Variants in COPG2 observed in about 807,000 individuals in gnomAD.
COPG2 encodes the protein coat protein complex I subunit gamma 2.
COPG2 carries 37 observed loss-of-function variants against 46.3 expected under a neutral mutation model. The observed-to-expected ratio is 0.80, with a 90% confidence interval of 0.61 to 1.05. The LOEUF (loss-of-function observed/expected upper bound fraction) is 1.05. COPG2 is among the 50% of genes least tolerant of loss of function. The probability of loss-of-function intolerance (pLI) is 0.00; values close to 1 mark genes in which losing one functional copy is unlikely to be tolerated. For synonymous variants in COPG2, 159 were observed against 129.7 expected, an observed-to-expected ratio of 1.23 and a Z score of -1.53; for missense variants, 427 against 387.8, an observed-to-expected ratio of 1.10 and a Z score of -0.85.
intron 9 of COPG2, chr7:130,607,420 T>C (rs1554451419): frequency 2.3e-6 from 1 of 436,468 alleles, no homozygotes. Flanking sequence ...TCTTTGTACT[T>C]CTGGCAATTT....
At chr7:130,516,530 T>C (rs1326909692) in intron 20 of COPG2, among the ~76,000 whole-genome samples, 5 of 152,266 alleles carry the variant, frequency 3.3e-5, no homozygotes, top group African/African-American at 4.8e-5. Flanking sequence ...AGGAGACTTA[T>C]ATGCAAAAAT....
intron 5 of COPG2, among the ~76,000 whole-genome samples, chr7:130,618,339 T>C (rs1368715090): frequency 2.0e-5 from 3 of 152,144 alleles, no homozygotes; most frequent in Non-Finnish European, 4.4e-5. Flanking sequence ...ACCATAGCTT[T>C]AGTTGAACTC....
intron 9 of COPG2, among the ~76,000 whole-genome samples, chr7:130,587,947 GA>G (rs1233307929): frequency 1.1e-3 from 158 of 148,656 alleles, no homozygotes; most frequent in African/African-American, 3.6e-3. Context: ...AAATTTACAA[GA>G]AAAAAAAACA....
At chr7:130,614,214 TA>T in intron 6 of COPG2, among the ~76,000 whole-genome samples, 1 of 152,068 alleles carries the variant, frequency 6.6e-6, no homozygotes, top group East Asian at 1.9e-4. Context: ...TAAAGATGAG[TA>T]AAAAGACTGA....
At chr7:130,546,789 T>C (rs1793451414) in intron 20 of COPG2, 2 of 152,234 alleles carry the variant, frequency 1.3e-5, no homozygotes, top group South Asian at 4.1e-4. Flanking sequence ...GATAACTATT[T>C]ACTAGTGCTT....
chr7:130,667,058 CTAAGG>C, intron 2 of COPG2, 129 bp from the exon 3 acceptor site: 1 of 587,372 alleles, frequency 1.7e-6, no homozygotes, highest in Non-Finnish European at 3.0e-6. Context: ...TCTCAATTTA[CTAAGG>C]TATCTGATAA....
chr7:130,543,529 A>G (rs1176649940), intron 20 of COPG2, among the ~76,000 whole-genome samples: 2 of 152,234 alleles, frequency 1.3e-5, no homozygotes, highest in African/African-American at 4.8e-5. Context: ...GAGCTTCATC[A>G]GCAATCCTCA....
chr7:130,590,648 CT>C (rs1794383124), intron 9 of COPG2, among the ~76,000 whole-genome samples: 2 of 152,056 alleles, frequency 1.3e-5, no homozygotes, highest in Admixed American at 1.3e-4. Context: ...CCCCAAAGTG[CT>C]GAGATTGCAG....
At chr7:130,578,358 C>A (rs1211490736) in intron 9 of COPG2, among the ~76,000 whole-genome samples, 6 of 148,490 alleles carry the variant, frequency 4.0e-5, no homozygotes, top group Admixed American at 1.3e-4. Flanking sequence ...ACATCACCAT[C>A]ATCAAAGACC....
chr7:130,653,856 A>C (rs895731679), intron 4 of COPG2, among the ~76,000 whole-genome samples: 2 of 152,230 alleles, frequency 1.3e-5, no homozygotes, highest in African/African-American at 4.8e-5. Flanking sequence ...ACAGAAAAAA[A>C]ACACACACAG....
chr7:130,628,250 G>C (rs1359754097), intron 5 of COPG2, among the ~76,000 whole-genome samples: 1 of 151,640 alleles, frequency 6.6e-6, no homozygotes, highest in Non-Finnish European at 1.5e-5. Context: ...CTCTACCCCC[G>C]CCCCCTTTCT....
chr7:130,666,942 A>G lies in COPG2; in HGVS notation c.91-13T>C. On this transcript the variant is annotated splice_polypyrimidine_tract_variant and intron_variant, in intron 2 of 23. Coordinates refer to ENST00000425248, the MANE Select transcript of COPG2 (RefSeq NM_012133.6). ...TGAATATACGAGCCTATGAAAAAAC[A>G]TAAAAAACATTGCTACTTTTCTACC... The G allele has an allele frequency of 7.1e-7, 1 of 1,411,900 alleles. No homozygotes were observed. Among genetic ancestry groups the G allele is most frequent in the Non-Finnish European group, 9.8e-7 (1 of 1,022,294 alleles). The allele number at this position is 1,411,900 out of a possible 1,614,324, so 87.5% of individuals were successfully genotyped here.
rs1191214904 is a variant in COPG2, at chr7:130,589,942, A to G, written c.737+21011T>C. 2.0e-5 allele frequency among the ~76,000 whole-genome samples: 3 copies of G among 152,134 alleles called. 1 individual carries two copies. Among genetic ancestry groups the G allele is most frequent in the South Asian group, 4.1e-4 (2 of 4,826 alleles). ...TGAGTAGCAAATGTATGTGTAGCAA[A>G]TATTTTTCTCCCAGTCTATTTTTGT... On this transcript the variant is annotated intron_variant, in intron 9 of 23. Transcript: ENST00000425248.
chr7:130,519,158 C>G (rs1418647244), intron 20 of COPG2, among the ~76,000 whole-genome samples: 1 of 151,928 alleles, frequency 6.6e-6, no homozygotes, highest in African/African-American at 2.4e-5. Context: ...ATAAGGAGGG[C>G]CGGGATGAGG....
At chr7:130,651,987 G>A (rs1282476666) in intron 5 of COPG2, among the ~76,000 whole-genome samples, 5 of 152,242 alleles carry the variant, frequency 3.3e-5, no homozygotes, top group East Asian at 1.9e-4. Flanking sequence ...TATGGAATAC[G>A]TAGATTGACT....
intron 5 of COPG2, among the ~76,000 whole-genome samples, chr7:130,630,076 C>T (rs1489352678): frequency 6.6e-6 from 1 of 151,970 alleles, no homozygotes; most frequent in African/African-American, 2.4e-5. Flanking sequence ...GCCACCATAC[C>T]TAATTTTTGT....
At chr7:130,521,460 ACAG>A (rs1799723353) in intron 20 of COPG2, among the ~76,000 whole-genome samples, 1 of 152,206 alleles carries the variant, frequency 6.6e-6, no homozygotes, top group Non-Finnish European at 1.5e-5. Flanking sequence ...GAGGTGCCTG[ACAG>A]CAAGATCTTA....
intron 9 of COPG2, among the ~76,000 whole-genome samples, chr7:130,588,659 G>A (rs1056851534): frequency 6.6e-6 from 1 of 152,152 alleles, no homozygotes; most frequent in African/African-American, 2.4e-5. Context: ...GGCAGGGGGA[G>A]GGGGAAGGGA....
At chr7:130,592,183 TA>T (rs1316459428) in intron 9 of COPG2, among the ~76,000 whole-genome samples, 1 of 152,148 alleles carries the variant, frequency 6.6e-6, no homozygotes, top group African/African-American at 2.4e-5. Flanking sequence ...TGTGCTTTGT[TA>T]AACAGATGCT....
Sources: gnomAD v4.1 joint callset for allele counts (sites outside exome capture counted in the v4.1 genomes callset) on GRCh38, gnomAD v4.1.1 for gene constraint, MANE v1.5 for transcripts, NCBI Gene and HGNC (gene_info 2026-07-23, HGNC 2026-07-21) for gene names.